DCDC1: variants seen among roughly 807,000 people sequenced by gnomAD.
DCDC1 encodes doublecortin domain-containing protein 1.
In DCDC1, 200 loss-of-function variants were observed where a neutral mutation model predicts 178.3. That is an observed-to-expected ratio of 1.12 (90% confidence interval 1.00 to 1.26). DCDC1 has a LOEUF of 1.26. DCDC1 is among the 50% of genes most tolerant of loss of function. The pLI is 0.00. For missense variants in DCDC1, 1,983 were observed against 1,749.2 expected (o/e 1.13, Z -2.38); for synonymous variants, 690 against 604.8 (o/e 1.14, Z -2.07).
intron 20 of DCDC1, among the ~76,000 whole-genome samples, chr11:30,999,711 C>T (rs908239205): frequency 2.0e-5 from 3 of 151,882 alleles, no homozygotes; most frequent in Non-Finnish European, 4.4e-5. Context: ...ACATCACTTC[C>T]ATCTTAAAAA....
intron 10 of DCDC1, among the ~76,000 whole-genome samples, chr11:31,135,524 A>G (rs1347691187): frequency 1.3e-5 from 2 of 152,172 alleles, no homozygotes; most frequent in Non-Finnish European, 2.9e-5. Context: ...TTTTCTAACA[A>G]AAAGTTAGAA....
At chr11:31,251,263 C>T (rs1944010143) in intron 8 of DCDC1, among the ~76,000 whole-genome samples, 1 of 152,130 alleles carries the variant, frequency 6.6e-6, no homozygotes, top group Admixed American at 6.5e-5. Flanking sequence ...AACAGGGATA[C>T]CCATCTATAA....
intron 22 of DCDC1, among the ~76,000 whole-genome samples, chr11:30,927,788 A>C (rs191959263): frequency 1.3e-5 from 2 of 152,308 alleles, no homozygotes; most frequent in East Asian, 3.9e-4. Context: ...GTCTAGAGTG[A>C]ATTATTAAAT....
At chr11:31,167,141 A>G (rs945052672) in intron 9 of DCDC1, among the ~76,000 whole-genome samples, 1 of 152,164 alleles carries the variant, frequency 6.6e-6, no homozygotes, top group African/African-American at 2.4e-5. Flanking sequence ...AATTCATGGT[A>G]AGAAGAGGCT....
chr11:31,238,270 A>G (rs558757703), intron 9 of DCDC1, among the ~76,000 whole-genome samples: 25 of 152,198 alleles, frequency 1.6e-4, no homozygotes, highest in African/African-American at 5.8e-4. Flanking sequence ...TGCCTGGCAC[A>G]GCTCCATGCA....
intron 4 of DCDC1, among the ~76,000 whole-genome samples, chr11:31,306,958 G>A (rs750823221): frequency 6.6e-6 from 1 of 152,078 alleles, no homozygotes; most frequent in Non-Finnish European, 1.5e-5. Flanking sequence ...TTTGTCTTCA[G>A]GCAAAACTAA....
chr11:31,364,239 CAT>C (rs1266756900), intron 1 of DCDC1, among the ~76,000 whole-genome samples: 1 of 152,144 alleles, frequency 6.6e-6, no homozygotes, highest in Admixed American at 6.6e-5. Context: ...AATCCCATCA[CAT>C]GTCAAGGAGC....
At chr11:30,932,540 A>G (rs1946998872) in intron 21 of DCDC1, among the ~76,000 whole-genome samples, 1 of 152,192 alleles carries the variant, frequency 6.6e-6, no homozygotes, top group Non-Finnish European at 1.5e-5. Context: ...TATTCTAGGC[A>G]TGATATTATG....
At chr11:31,148,722 G>A (rs571605278) in intron 9 of DCDC1, among the ~76,000 whole-genome samples, 104 of 150,938 alleles carry the variant, frequency 6.9e-4, no homozygotes, top group African/African-American at 2.3e-3. Flanking sequence ...AAAAGTTCAC[G>A]GTCTCTTTGA....
intron 38 of DCDC1, among the ~76,000 whole-genome samples, chr11:30,872,693 T>G (rs1463056658): frequency 1.3e-5 from 2 of 152,056 alleles, no homozygotes; most frequent in Non-Finnish European, 1.5e-5. Context: ...AATGGCTGAT[T>G]CATTCTTGTC....
At chr11:31,277,514 C>T (rs1021071828) in intron 7 of DCDC1, among the ~76,000 whole-genome samples, 1 of 152,104 alleles carries the variant, frequency 6.6e-6, no homozygotes, top group Non-Finnish European at 1.5e-5. Flanking sequence ...TGCCAAGTGG[C>T]TGCGTCATTT....
intron 34 of DCDC1, among the ~76,000 whole-genome samples, chr11:30,895,421 C>T (rs1157149928): frequency 1.3e-5 from 2 of 152,126 alleles, no homozygotes; most frequent in East Asian, 3.9e-4. Flanking sequence ...GAGAGTAACA[C>T]TTAGGTTCAT....
intron 21 of DCDC1, among the ~76,000 whole-genome samples, chr11:30,942,070 A>G (rs1455871129): frequency 6.6e-6 from 1 of 152,334 alleles, no homozygotes; most frequent in South Asian, 2.1e-4. Flanking sequence ...AACTTTCACC[A>G]GTACAGAAAT....
chr11:31,074,659 C>T (rs1956762566), intron 18 of DCDC1, among the ~76,000 whole-genome samples: 1 of 152,110 alleles, frequency 6.6e-6, no homozygotes, highest in African/African-American at 2.4e-5. Context: ...TTATAAATGA[C>T]CCAGTCTGTG....
intron 31 of DCDC1, chr11:30,904,360 T>A (rs73465119): frequency 0.022 from 3,397 of 155,098 alleles, 130 homozygotes; most frequent in African/African-American, 0.075. Context: ...TAAAATACAT[T>A]GCTAAAGGCA....
At chr11:31,024,151 TTG>T (rs1953073960) in intron 20 of DCDC1, among the ~76,000 whole-genome samples, 1 of 152,022 alleles carries the variant, frequency 6.6e-6, no homozygotes, top group African/African-American at 2.4e-5. Context: ...TAATGATTGA[TTG>T]TGTTTTTTAA....
chr11:30,981,854 G>A (rs1590650028), intron 20 of DCDC1, among the ~76,000 whole-genome samples: 1 of 152,090 alleles, frequency 6.6e-6, no homozygotes, highest in Non-Finnish European at 1.5e-5. Flanking sequence ...ACCACACGCT[G>A]GGAACACCAA....
chr11:30,874,232 T>C (rs371155899), intron 38 of DCDC1, among the ~76,000 whole-genome samples: 4 of 152,316 alleles, frequency 2.6e-5, no homozygotes, highest in East Asian at 3.9e-4. Context: ...GGTCACGACG[T>C]GCTTCTTCCC....
intron 36 of DCDC1, 69 bp downstream of exon 36, chr11:30,892,749 C>A: frequency 6.3e-7 from 1 of 1,575,608 alleles, no homozygotes; most frequent in Non-Finnish European, 8.6e-7. Flanking sequence ...CTTGACCAAA[C>A]AATCTAGAAA....
Sources: gnomAD v4.1 joint callset for allele counts (sites outside exome capture counted in the v4.1 genomes callset) on GRCh38, gnomAD v4.1.1 for gene constraint, MANE v1.5 for transcripts, NCBI Gene and HGNC (gene_info 2026-07-23, HGNC 2026-07-21) for gene names.